Variants in NXF2B observed in about 807,000 individuals in gnomAD.
The protein encoded by NXF2B is nuclear RNA export factor 2B, also known as nuclear RNA export factor 2.
chrX:102,426,484 TTGACTGAC>T (rs1356351349), intron 2 of NXF2B, among the ~76,000 whole-genome samples: 1 of 55,303 alleles, frequency 1.8e-5, no homozygotes, highest in Non-Finnish European at 3.5e-5. Flanking sequence ...ACATGGTTGA[TTGACTGAC>T]TGACTGACTG....
intron 2 of NXF2B, among the ~76,000 whole-genome samples, chrX:102,404,905 C>T (rs1934349799): frequency 3.4e-5 from 1 of 29,056 alleles, no homozygotes; most frequent in Non-Finnish European, 5.9e-5. Context: ...GTGATCAGAA[C>T]TTGAGTTCCC....
chrX:102,412,566 AGGAAGAAGAGGAAGAGGAAGAGGAAGAG>A (rs1569471495), intron 2 of NXF2B, among the ~76,000 whole-genome samples: 313 of 6,120 alleles, frequency 0.051, 33 homozygotes, highest in Middle Eastern at 0.083. Flanking sequence ...AAGAAGAAGA[AGGAAGAAGAGGAAGAGGAAGAGGAAGAG>A]GAAGAAGAAG....
chrX:102,420,865 T>TA (rs1337186833), intron 2 of NXF2B, among the ~76,000 whole-genome samples: 4 of 71,767 alleles, frequency 5.6e-5, no homozygotes, highest in African/African-American at 1.6e-4. Flanking sequence ...GAGATTCTGG[T>TA]ATGTTGTGTC....
chrX:102,405,206 C>T (rs1205615112), intron 2 of NXF2B, among the ~76,000 whole-genome samples: 1 of 81,655 alleles, frequency 1.2e-5, no homozygotes, highest in African/African-American at 4.9e-5. Flanking sequence ...AGGAGAATGG[C>T]GTGAACCCGG....
At chrX:102,438,780 G>C (rs1304212568) in intron 1 of NXF2B, 106 bp from the exon 2 acceptor site, 2 of 29,127 alleles carry the variant, frequency 6.9e-5, no homozygotes, top group African/African-American at 2.3e-4. Context: ...AATTAACATC[G>C]ATGTAGTAAT....
chrX:102,432,612 A>C (rs1934455560), intron 2 of NXF2B, among the ~76,000 whole-genome samples: 2 of 77,174 alleles, frequency 2.6e-5, no homozygotes, highest in Admixed American at 2.5e-4. Flanking sequence ...TGTGGAGAAA[A>C]GGGAACCCTT....
chrX:102,405,147 G>A (rs1377815167), intron 2 of NXF2B, among the ~76,000 whole-genome samples: 42 of 97,112 alleles, frequency 4.3e-4, no homozygotes, highest in South Asian at 2.3e-3. Flanking sequence ...AAAATTAGCC[G>A]GGCGTGGTGG....
At chrX:102,393,593 T>TATAC (rs1491394012) in intron 2 of NXF2B, among the ~76,000 whole-genome samples, 49 of 21,826 alleles carry the variant, frequency 2.2e-3, no homozygotes, top group Non-Finnish European at 3.1e-3. Context: ...TATATATATA[T>TATAC]GGAAAGAAAG....
intron 2 of NXF2B, among the ~76,000 whole-genome samples, chrX:102,405,135 A>C (rs1934352844): frequency 1.0e-5 from 1 of 98,797 alleles, no homozygotes; most frequent in Non-Finnish European, 2.0e-5. Context: ...CAAAAAAAAA[A>C]AAAAATTAGC....
intron 2 of NXF2B, among the ~76,000 whole-genome samples, chrX:102,405,159 G>A (rs1464386707): frequency 7.4e-5 from 7 of 94,037 alleles, no homozygotes; most frequent in East Asian, 3.1e-4. Context: ...GCGTGGTGGC[G>A]GGCACCTGTA....
chrX:102,392,464 A>C (rs1556391566), intron 2 of NXF2B, among the ~76,000 whole-genome samples: 1 of 95,912 alleles, frequency 1.0e-5, no homozygotes, highest in Non-Finnish European at 2.2e-5. Context: ...CCCCACCCCC[A>C]AACCAATGAT....
At chrX:102,405,219 G>A (rs1228385605) in intron 2 of NXF2B, among the ~76,000 whole-genome samples, 1 of 75,446 alleles carries the variant, frequency 1.3e-5, no homozygotes, top group Non-Finnish European at 2.5e-5. Flanking sequence ...GAACCCGGGA[G>A]GCGGAGCTTA....
At chrX:102,386,015 T>C (rs1364160910) in intron 2 of NXF2B, among the ~76,000 whole-genome samples, 2 of 114,517 alleles carry the variant, frequency 1.7e-5, no homozygotes, top group Non-Finnish European at 3.7e-5. Context: ...TGGTGCGATC[T>C]TGGCTCACTG....
chrX:102,398,076 G>A (rs1207338303), intron 2 of NXF2B, among the ~76,000 whole-genome samples: 1 of 72,939 alleles, frequency 1.4e-5, no homozygotes, highest in Non-Finnish European at 2.5e-5. Context: ...TCCAAAAGTG[G>A]GCAAAGGACA....
chrX:102,432,779 A>G (rs1934457633), intron 2 of NXF2B, among the ~76,000 whole-genome samples: 1 of 57,753 alleles, frequency 1.7e-5, no homozygotes, highest in Non-Finnish European at 4.3e-5. Context: ...AAAGAGAACT[A>G]TCATATGACC....
intron 2 of NXF2B, among the ~76,000 whole-genome samples, chrX:102,404,972 C>T (rs1350137327): frequency 4.3e-4 from 13 of 30,099 alleles, no homozygotes; most frequent in African/African-American, 2.1e-3. Flanking sequence ...ATTTGAAAGG[C>T]AGACTAGGCC....
intron 2 of NXF2B, among the ~76,000 whole-genome samples, chrX:102,385,690 AACATGAGCAAT>A (rs1934258568): frequency 1.3e-4 from 1 of 7,631 alleles, no homozygotes; most frequent in Non-Finnish European, 2.6e-4. Flanking sequence ...ACTAAGGCAA[AACATGAGCAAT>A]AACACATTAC....
intron 2 of NXF2B, among the ~76,000 whole-genome samples, chrX:102,398,124 A>G (rs1223818967): frequency 0.021 from 1,811 of 86,985 alleles, 228 homozygotes; most frequent in African/African-American, 0.081. Context: ...AAAAAAAGAA[A>G]AGAAAGATAT....
intron 1 of NXF2B, 32 bp downstream of exon 1, chrX:102,439,838 A>G (rs1408097305): frequency 3.1e-5 from 1 of 31,788 alleles, no homozygotes. Flanking sequence ...AAAAGAAAGG[A>G]AATTTATGGA....
Sources: allele counts gnomAD v4.1 joint callset (sites outside exome capture counted in the v4.1 genomes callset), GRCh38; gene constraint gnomAD v4.1.1; transcripts MANE v1.5; gene names NCBI Gene and HGNC (gene_info 2026-07-23, HGNC 2026-07-21).